Variants in GRK3 observed in about 807,000 individuals in gnomAD.
GRK3 encodes adrenergic, beta, receptor kinase 2.
A neutral mutation model predicts 95.7 loss-of-function variants in GRK3; 54 were observed. The ratio of observed to expected loss-of-function variants is 0.56; its 90% CI spans 0.45 to 0.71. The LOEUF (loss-of-function observed/expected upper bound fraction) is 0.71. Ranked by LOEUF, GRK3 falls within the 30% of genes least tolerant of loss-of-function variation. The pLI, the probability that GRK3 is intolerant of heterozygous loss-of-function variation, is 0.00. For missense variants in GRK3, 649 were observed against 851.2 expected (o/e 0.76, Z 2.96); for synonymous variants, 281 against 290.8 (o/e 0.97, Z 0.34).
chr22:25,709,874 C>G, intron 15 of GRK3, 24 bp from the exon 16 acceptor site: 1 of 1,586,942 alleles, frequency 6.3e-7, no homozygotes, highest in Non-Finnish European at 8.7e-7. Flanking sequence ...ATACTCAGCA[C>G]TGTTATGACT....
In GRK3 at chr22:25,724,286, T is replaced by TG. The variant is rs2085457424; in HGVS notation, c.*1839dup. Reference sequence around the variant, plus strand: ...TCAGCATGTGCAGTTGAGGATGCGCTGGGCCTCATGCCTGTTCTAGATCTC... The same window carrying TG: ...TCAGCATGTGCAGTTGAGGATGCGCTGGGGCCTCATGCCTGTTCTAGATCTC... On this transcript the variant is annotated 3_prime_UTR_variant, in exon 21 of 21. Coordinates refer to ENST00000324198, the MANE Select transcript of GRK3 (RefSeq NM_005160.4). The TG allele has an allele frequency of 6.6e-6, 1 of 152,270 alleles. No homozygotes were observed. The highest frequency in any genetic ancestry group is 6.5e-5 in the Admixed American group (1 of 15,282). The allele number at this position is 152,270 out of a possible 1,614,324, so 9.4% of individuals were successfully genotyped here. A position where few individuals can be genotyped will look rare whatever the true frequency, so the allele number is the denominator to read the frequency against.
At chr22:25,590,034 G>A (rs908736097) in intron 1 of GRK3, among the ~76,000 whole-genome samples, 2 of 152,152 alleles carry the variant, frequency 1.3e-5, no homozygotes, top group Admixed American at 6.5e-5. Context: ...AATTATGGGA[G>A]CTAGAATTCA....
chr22:25,725,383 A>G lies in GRK3; in HGVS notation c.*2933A>G. 1 of 395,444 alleles carries G rather than the reference A, an allele frequency of 2.5e-6. No homozygotes were observed. The highest frequency in any genetic ancestry group is 4.5e-6 in the Non-Finnish European group (1 of 224,682). The allele number at this position is 395,444 out of a possible 1,614,324, so 24.5% of individuals were successfully genotyped here. ...AATCAATAAAGCCTAAAAATAATAG[A>G]TTACTTTAAGCTGCTATGTAAGATA... On this transcript the variant is annotated 3_prime_UTR_variant, in exon 21 of 21. Coordinates refer to ENST00000324198, the MANE Select transcript of GRK3 (RefSeq NM_005160.4).
At chr22:25,620,862 T>C (rs911972743) in intron 2 of GRK3, among the ~76,000 whole-genome samples, 1 of 152,172 alleles carries the variant, frequency 6.6e-6, no homozygotes, top group Admixed American at 6.5e-5. Context: ...CAAATATCAA[T>C]ACAAGACATA....
chr22:25,726,051 C>A lies in GRK3; in HGVS notation c.*3601C>A. ...GCAACAAACAATGGTCTGTTTGTTGCAAACAAGATGTAGCTTGATTTCTGG... is the reference window on the plus strand; with the variant it reads ...GCAACAAACAATGGTCTGTTTGTTGAAAACAAGATGTAGCTTGATTTCTGG... On this transcript the variant is annotated 3_prime_UTR_variant, in exon 21 of 21. Transcript: ENST00000324198. 1 of 152,716 alleles carries A rather than the reference C, an allele frequency of 6.5e-6. No homozygotes were observed. Among genetic ancestry groups the A allele is most frequent in the Non-Finnish European group, 1.5e-5 (1 of 68,528 alleles). 9.5% of individuals were successfully genotyped at this position (152,716 alleles called of 1,614,324 possible). A position where few individuals can be genotyped will look rare whatever the true frequency, so the allele number is the denominator to read the frequency against.
At chr22:25,613,449 G>A (rs1030612381) in intron 2 of GRK3, among the ~76,000 whole-genome samples, 2 of 144,462 alleles carry the variant, frequency 1.4e-5, no homozygotes, top group Non-Finnish European at 3.0e-5. Context: ...GAGGGAAAGA[G>A]TTAAAGAGGC....
At chr22:25,693,194 C>A (rs1457036121) in intron 12 of GRK3, among the ~76,000 whole-genome samples, 1 of 152,164 alleles carries the variant, frequency 6.6e-6, no homozygotes, top group Non-Finnish European at 1.5e-5. Context: ...TGTCTTAAAA[C>A]GTCCAAGTGT....
chr22:25,702,335 T>A (rs2085265549), intron 13 of GRK3, among the ~76,000 whole-genome samples: 1 of 152,264 alleles, frequency 6.6e-6, no homozygotes, highest in African/African-American at 2.4e-5. Flanking sequence ...AGTGGCATTT[T>A]AATTCTTTTT....
intron 1 of GRK3, among the ~76,000 whole-genome samples, chr22:25,569,836 C>G (rs745359309): frequency 1.3e-5 from 2 of 151,788 alleles, no homozygotes. Context: ...TCATTTGTCC[C>G]CACAGTAGTT....
Position 25,714,433 on chromosome 22 carries a change from A to G in GRK3, c.1517A>G (p.Tyr506Cys). ...CTACTTGATTGCGACCAAGAACTCT[A>G]CAAGAACTTCCCTTTGGTCATCTCT... is the stretch of plus-strand genomic sequence containing the variant. ...IKLLDCDQEL[Y>C]KNFPLVISER... Residue 506 changes from tyrosine to cysteine, a missense_variant, in exon 18 of 21, where the codon TAC becomes TGC. Physicochemically the swap from Tyr to Cys is radical, Grantham distance 194. Transcript: ENST00000324198. The G allele has an allele frequency of 6.2e-7, 1 of 1,611,626 alleles. No individual in the cohort carries two copies. Among genetic ancestry groups the G allele is most frequent in the Non-Finnish European group, 8.5e-7 (1 of 1,179,416 alleles).
At position 25,595,790 on chromosome 22, in the gene GRK3, A is replaced by T. The variant is rs138280796; in HGVS notation, c.114-8587A>T. On this transcript the variant is annotated intron_variant, in intron 1 of 20. Transcript: ENST00000324198. ...AGTGAGACTCTGTCTCCAAAAAAAA[A>T]AATAATAATTACTGGGTGTGGTGGT... 1.1e-3 allele frequency among the ~76,000 whole-genome samples: 160 copies of T among 152,128 alleles called. 1 individual carries two copies. Among genetic ancestry groups the T allele is most frequent in the Admixed American group, 3.9e-3 (59 of 15,286 alleles).
intron 13 of GRK3, among the ~76,000 whole-genome samples, chr22:25,697,075 A>T (rs1009202155): frequency 2.0e-5 from 3 of 152,212 alleles, no homozygotes; most frequent in Non-Finnish European, 1.5e-5. Flanking sequence ...GTCCCTACCT[A>T]CAGAATTTGG....
intron 8 of GRK3, among the ~76,000 whole-genome samples, chr22:25,677,700 T>A (rs918478935): frequency 6.6e-6 from 1 of 152,228 alleles, no homozygotes; most frequent in Non-Finnish European, 1.5e-5. Flanking sequence ...TTTCTGTGTC[T>A]GCTACACTGA....
At chr22:25,644,135 G>GTT (rs915278019) in intron 2 of GRK3, among the ~76,000 whole-genome samples, 4 of 142,626 alleles carry the variant, frequency 2.8e-5, no homozygotes, top group Admixed American at 7.0e-5. Flanking sequence ...GGGTTCTGGT[G>GTT]TTTTTTTTTT....
chr22:25,675,123 A>G (rs550377528), intron 8 of GRK3, among the ~76,000 whole-genome samples: 12 of 152,164 alleles, frequency 7.9e-5, no homozygotes, highest in African/African-American at 2.9e-4. Context: ...GATCCTTGAC[A>G]ACTGTGGCAT....
At chr22:25,604,482 G>A (rs1488753892) in intron 2 of GRK3, 29 bp downstream of exon 2, 10 of 1,519,316 alleles carry the variant, frequency 6.6e-6, no homozygotes, top group Non-Finnish European at 9.1e-6. Context: ...TTTGGCATAC[G>A]GTAATTTTAG....
chr22:25,691,956 C>A (rs1234885643), intron 12 of GRK3, among the ~76,000 whole-genome samples: 1 of 152,026 alleles, frequency 6.6e-6, no homozygotes, highest in Non-Finnish European at 1.5e-5. Context: ...AAACATACAA[C>A]AAAATTTTAT....
intron 2 of GRK3, among the ~76,000 whole-genome samples, chr22:25,642,554 G>A (rs1935796710): frequency 6.6e-6 from 1 of 152,190 alleles, no homozygotes; most frequent in African/African-American, 2.4e-5. Context: ...GCATAGTGGT[G>A]AACTCTGGGC....
chr22:25,579,639 A>G (rs1007771382), intron 1 of GRK3, among the ~76,000 whole-genome samples: 1 of 151,588 alleles, frequency 6.6e-6, no homozygotes, highest in Admixed American at 6.6e-5. Context: ...CACCCGGCTA[A>G]TTTTTTGTAT....
Sources: gnomAD v4.1 joint callset for allele counts (sites outside exome capture counted in the v4.1 genomes callset) on GRCh38, gnomAD v4.1.1 for gene constraint, MANE v1.5 for transcripts, NCBI Gene and HGNC (gene_info 2026-07-23, HGNC 2026-07-21) for gene names.